Variants in RSPO2 observed in about 807,000 individuals in gnomAD.
RSPO2 encodes R-spondin 2, also known as R-spondin-2.
In RSPO2, 14 loss-of-function variants were observed where a neutral mutation model predicts 30.9. The ratio of observed to expected loss-of-function variants is 0.45; its 90% CI spans 0.30 to 0.71. RSPO2 has a LOEUF of 0.71. Ranked by LOEUF, RSPO2 falls within the 30% of genes least tolerant of loss-of-function variation. The pLI is 0.08. For missense variants in RSPO2, 264 were observed against 301.9 expected (o/e 0.87, Z 0.93); for synonymous variants, 107 against 96.4 (o/e 1.11, Z -0.64).
chr8:108,037,921 T>C (rs1023541800), intron 2 of RSPO2, among the ~76,000 whole-genome samples: 27 of 152,158 alleles, frequency 1.8e-4, no homozygotes, highest in African/African-American at 6.5e-4. Flanking sequence ...CTGATGGAGA[T>C]GTACAAGGAG....
chr8:107,967,739 A>G (rs1813855090), intron 3 of RSPO2, among the ~76,000 whole-genome samples: 2 of 152,164 alleles, frequency 1.3e-5, no homozygotes, highest in African/African-American at 4.8e-5. Flanking sequence ...AACTATGTCA[A>G]ATGCAGAACA....
intron 3 of RSPO2, among the ~76,000 whole-genome samples, chr8:107,974,626 AG>A (rs1006787982): frequency 6.6e-6 from 1 of 152,182 alleles, no homozygotes; most frequent in East Asian, 1.9e-4. Flanking sequence ...GTGACTTTGG[AG>A]AAATACTACC....
At chr8:108,004,671 G>A (rs1002724452) in intron 2 of RSPO2, among the ~76,000 whole-genome samples, 4 of 152,150 alleles carry the variant, frequency 2.6e-5, no homozygotes, top group African/African-American at 9.7e-5. Flanking sequence ...AAAACTATAT[G>A]TGTATGTATA....
At chr8:107,904,215 T>C (rs1811565984) in intron 5 of RSPO2, among the ~76,000 whole-genome samples, 1 of 151,994 alleles carries the variant, frequency 6.6e-6, no homozygotes, top group South Asian at 2.1e-4. Context: ...TGCTGCACAT[T>C]CCCAAGCACA....
intron 2 of RSPO2, among the ~76,000 whole-genome samples, chr8:108,015,382 C>T (rs1326494645): frequency 2.6e-5 from 4 of 152,150 alleles, no homozygotes; most frequent in African/African-American, 9.7e-5. Flanking sequence ...AAAAGTGTCA[C>T]AAACCCTATC....
intron 5 of RSPO2, among the ~76,000 whole-genome samples, chr8:107,913,207 C>T (rs1052671624): frequency 5.9e-5 from 9 of 152,108 alleles, no homozygotes; most frequent in African/African-American, 2.2e-4. Flanking sequence ...CCAAAGCTTA[C>T]CCTCTTGTCC....
chr8:108,046,792 C>T (rs1811919812), intron 2 of RSPO2, among the ~76,000 whole-genome samples: 1 of 152,090 alleles, frequency 6.6e-6, no homozygotes, highest in South Asian at 2.1e-4. Context: ...TATTAATTCC[C>T]CCTCCCAACA....
intron 3 of RSPO2, among the ~76,000 whole-genome samples, chr8:107,980,630 T>TC (rs1304534824): frequency 1.3e-5 from 2 of 152,196 alleles, no homozygotes; most frequent in African/African-American, 4.8e-5. Context: ...CAATCACTTA[T>TC]CTCCAGGTCT....
At chr8:108,002,332 A>G (rs1280135531) in intron 2 of RSPO2, among the ~76,000 whole-genome samples, 1 of 152,186 alleles carries the variant, frequency 6.6e-6, no homozygotes, top group African/African-American at 2.4e-5. Flanking sequence ...CTGCTCACAA[A>G]CAGAGCCAGA....
intron 3 of RSPO2, chr8:107,983,370 A>C: frequency 1.9e-6 from 3 of 1,609,194 alleles, no homozygotes; most frequent in Non-Finnish European, 2.5e-6. Flanking sequence ...CAAGATTGAA[A>C]GCCCAGCAGA....
chr8:108,052,697 C>A (rs146862298), intron 2 of RSPO2, among the ~76,000 whole-genome samples: 1 of 151,988 alleles, frequency 6.6e-6, no homozygotes, highest in Non-Finnish European at 1.5e-5. Flanking sequence ...TTAATTCTCA[C>A]GACAAAATTA....
intron 2 of RSPO2, among the ~76,000 whole-genome samples, chr8:107,995,922 G>T (rs1028254510): frequency 1.3e-5 from 2 of 152,072 alleles, no homozygotes; most frequent in African/African-American, 4.8e-5. Flanking sequence ...AATATTGCCA[G>T]ATAATTATGA....
intron 5 of RSPO2, among the ~76,000 whole-genome samples, chr8:107,911,526 T>C (rs1299287737): frequency 6.6e-6 from 1 of 152,176 alleles, no homozygotes; most frequent in African/African-American, 2.4e-5. Flanking sequence ...GTAGTAACAA[T>C]GATGCCTGCT....
chr8:108,064,142 C>G (rs550590227), intron 2 of RSPO2, among the ~76,000 whole-genome samples: 1 of 152,192 alleles, frequency 6.6e-6, no homozygotes, highest in African/African-American at 2.4e-5. Flanking sequence ...GTCTAAAACA[C>G]CAAAACCAAT....
At chr8:108,080,415 G>A (rs1813157290) in intron 2 of RSPO2, among the ~76,000 whole-genome samples, 1 of 152,140 alleles carries the variant, frequency 6.6e-6, no homozygotes. Flanking sequence ...TTATTAAATC[G>A]AAAGGTTGAT....
intron 2 of RSPO2, among the ~76,000 whole-genome samples, chr8:108,075,136 G>A (rs1812971433): frequency 6.6e-6 from 1 of 152,004 alleles, no homozygotes. Flanking sequence ...CAAAGTGTTT[G>A]GGGATAAAAA....
intron 5 of RSPO2, among the ~76,000 whole-genome samples, chr8:107,928,060 C>T (rs1020911355): frequency 6.6e-6 from 1 of 152,080 alleles, no homozygotes; most frequent in Admixed American, 6.6e-5. Context: ...ATATATATGC[C>T]TTAAAATATG....
At chr8:107,996,052 A>G (rs1276638061) in intron 2 of RSPO2, among the ~76,000 whole-genome samples, 2 of 152,078 alleles carry the variant, frequency 1.3e-5, no homozygotes, top group Non-Finnish European at 2.9e-5. Context: ...GTAGGGTGTA[A>G]GTGAGTGAGG....
At chr8:107,918,339 G>A (rs1391043198) in intron 5 of RSPO2, among the ~76,000 whole-genome samples, 1 of 152,136 alleles carries the variant, frequency 6.6e-6, no homozygotes, top group Non-Finnish European at 1.5e-5. Context: ...GTTTGCATAA[G>A]TGTAATAAAA....
Sources: gnomAD v4.1 joint callset for allele counts (sites outside exome capture counted in the v4.1 genomes callset) on GRCh38, gnomAD v4.1.1 for gene constraint, MANE v1.5 for transcripts, NCBI Gene and HGNC (gene_info 2026-07-23, HGNC 2026-07-21) for gene names.